The following PCDHA3 variants were observed in gnomAD, a reference collection of about 807,000 sequenced individuals.
The protein encoded by PCDHA3 is protocadherin alpha-3.
Under a neutral mutation model 62.2 loss-of-function variants are expected in PCDHA3, and 41 were observed. The ratio of observed to expected loss-of-function variants is 0.66; its 90% CI spans 0.51 to 0.86. PCDHA3 has a LOEUF of 0.86. PCDHA3 is among the 40% of genes least tolerant of loss of function. The pLI, the probability that PCDHA3 is intolerant of heterozygous loss-of-function variation, is 0.00. For missense variants in PCDHA3, 1,304 were observed against 1,241.2 expected, an observed-to-expected ratio of 1.05 and a Z score of -0.76; for synonymous variants, 640 against 555.4, an observed-to-expected ratio of 1.15 and a Z score of -2.14.
intron 1 of PCDHA3, chr5:140,811,929 A>C (rs1399934470): frequency 2.6e-5 from 4 of 151,600 alleles, no homozygotes; most frequent in African/African-American, 9.7e-5. Context: ...GATTGCAAAA[A>C]TTTTCTCCCA....
At chr5:140,870,886 G>A (rs17844350) in intron 1 of PCDHA3, 1 of 1,613,944 alleles carries the variant, frequency 6.2e-7, no homozygotes, top group East Asian at 2.2e-5. Flanking sequence ...GAAGGTGCGC[G>A]CAGTGGATGC....
chr5:140,850,216 A>C lies in PCDHA3; in HGVS notation c.2394+46625A>C. 5 of 1,593,446 alleles carry C rather than the reference A, an allele frequency of 3.1e-6. No individual in the cohort carries two copies. The East Asian group carries it at 1.1e-4, about 36-fold the overall frequency. ...CTGACACCTCGGATGAGGGGCACTG[A>C]CGGCGCAGTGAGCGAGATGGTGCTG... On this transcript the variant is annotated intron_variant, in intron 1 of 3. Transcript: ENST00000522353.
Position 140,883,273 on chromosome 5 carries a change from C to A in PCDHA3, c.2394+79682C>A, listed in dbSNP as rs370482487. Reference sequence around the variant, plus strand: ...ATATTCCAATGGCGGGTCATTGTACCCTTTTGGTGGAAGTACTAGATGTAA... The same window carrying A: ...ATATTCCAATGGCGGGTCATTGTACACTTTTGGTGGAAGTACTAGATGTAA... On this transcript the variant is annotated intron_variant, in intron 1 of 3. Transcript: ENST00000522353. 10 of 1,613,676 alleles carry A rather than the reference C, an allele frequency of 6.2e-6. No homozygotes were observed. The Middle Eastern group carries it at 6.6e-4, about 106-fold the overall frequency.
At chr5:140,994,036 A>G (rs1176195849) in intron 3 of PCDHA3, among the ~76,000 whole-genome samples, 1 of 152,210 alleles carries the variant, frequency 6.6e-6, no homozygotes, top group African/African-American at 2.4e-5. Flanking sequence ...AATATTAAAT[A>G]TAACACAGTC....
chr5:140,835,688 G>A (rs2150241964), intron 1 of PCDHA3: 10 of 1,613,804 alleles, frequency 6.2e-6, no homozygotes, highest in Admixed American at 5.0e-5. Flanking sequence ...CGCCTTCTCT[G>A]TGGGCCACTG....
At chr5:140,858,318 G>T in intron 1 of PCDHA3, 1 of 1,597,070 alleles carries the variant, frequency 6.3e-7, no homozygotes, top group Non-Finnish European at 8.6e-7. Context: ...CAGAGGGTGT[G>T]TTCTGGGGAG....
rs1427134752 is a variant in PCDHA3 at position 140,834,645 on chromosome 5, T to C, written c.2394+31054T>C. Reference sequence around the variant, plus strand: ...GCAGAATGGCATTTTGTTTGTGAATTCTCGGATCGACCGCGAGGAGCTGTG... The same window carrying C: ...GCAGAATGGCATTTTGTTTGTGAATCCTCGGATCGACCGCGAGGAGCTGTG... On this transcript the variant is annotated intron_variant, in intron 1 of 3. Transcript: ENST00000522353. The C allele has an allele frequency of 2.5e-6, 4 of 1,614,086 alleles. No individual in the cohort carries two copies. The East Asian group carries it at 8.9e-5, about 36-fold the overall frequency.
rs538322622 is a variant in PCDHA3 at position 140,884,083 on chromosome 5, G to T, written c.2394+80492G>T. 35 of 1,613,596 alleles carry T rather than the reference G, an allele frequency of 2.2e-5. No individual in the cohort carries two copies. The South Asian group carries it at 3.6e-4, about 17-fold the overall frequency. On this transcript the variant is annotated intron_variant, in intron 1 of 3. Coordinates refer to ENST00000522353, the MANE Select transcript of PCDHA3 (RefSeq NM_018906.3). The stretch of plus-strand genomic sequence containing the variant: ...TGGACGCCGATTCGGGCTACAATGC[G>T]TGGCTTTCGTATGAATTGCAGCTGG...
chr5:140,838,098 G>T (rs1775538367), intron 1 of PCDHA3, among the ~76,000 whole-genome samples: 1 of 147,360 alleles, frequency 6.8e-6, no homozygotes, highest in African/African-American at 2.6e-5. Flanking sequence ...GTGTGTGTGT[G>T]TGTGTGTGTG....
chr5:140,822,889 A>G (rs1554128942), intron 1 of PCDHA3: 1 of 1,614,078 alleles, frequency 6.2e-7, no homozygotes, highest in East Asian at 2.2e-5. Flanking sequence ...TGCTCTGATC[A>G]GCGTGTCTGA....
chr5:140,967,332 C>G, intron 1 of PCDHA3: 2 of 1,608,024 alleles, frequency 1.2e-6, no homozygotes, highest in Non-Finnish European at 1.7e-6. Context: ...GAGCTCAGCC[C>G]CAGCGAGCAC....
At chr5:140,882,217 A>C in intron 1 of PCDHA3, 1 of 1,542,972 alleles carries the variant, frequency 6.5e-7, no homozygotes, top group Non-Finnish European at 8.7e-7. Context: ...AGACAGTTTG[A>C]GGTAAGGCGT....
intron 1 of PCDHA3, among the ~76,000 whole-genome samples, chr5:140,956,797 G>T (rs1224324866): frequency 6.6e-6 from 1 of 152,040 alleles, no homozygotes; most frequent in Non-Finnish European, 1.5e-5. Flanking sequence ...TGCTTGGTGG[G>T]CTATTTATTA....
intron 1 of PCDHA3, chr5:140,858,198 C>T (rs1418909754): frequency 1.9e-6 from 3 of 1,597,294 alleles, no homozygotes; most frequent in African/African-American, 2.7e-5. Flanking sequence ...CTGCTGTACA[C>T]TGCACTGAGG....
intron 1 of PCDHA3, chr5:140,875,190 C>T (rs2055337617): frequency 4.0e-6 from 2 of 496,884 alleles, no homozygotes; most frequent in Admixed American, 4.0e-5. Flanking sequence ...TTAAGAGTGA[C>T]CCAGGAAGTG....
At chr5:140,926,911 G>A (rs1248832475) in intron 1 of PCDHA3, 4 of 1,561,318 alleles carry the variant, frequency 2.6e-6, no homozygotes, top group Non-Finnish European at 3.5e-6. Flanking sequence ...CTGTGGGGTG[G>A]CAGTTTTATG....
chr5:140,806,321 T>C (rs1316329183), intron 1 of PCDHA3, among the ~76,000 whole-genome samples: 4 of 152,166 alleles, frequency 2.6e-5, no homozygotes, highest in African/African-American at 9.7e-5. Flanking sequence ...CTTAGGCACA[T>C]TACATACTGG....
rs369771411 is a variant in PCDHA3, at chr5:140,803,410, C to T, written c.2213C>T (p.Thr738Met). Residue 738 changes from threonine (T) to methionine (M), a missense_variant, in exon 1 of 4, where the codon ACG becomes ATG. Transcript: ENST00000522353. ...GGCGACTGTGGGCCGGGCAAGCCCA[C>T]GCTGGTGTGCTCCAGCGCGGTGGGG... ...TEGDCGPGKP[T>M]LVCSSAVGSW... is the part of the protein sequence containing the mutation. 3 of 1,614,118 alleles carry T rather than the reference C, an allele frequency of 1.9e-6. No homozygotes were observed. Among genetic ancestry groups the T allele is most frequent in the African/African-American group, 1.3e-5 (1 of 74,940 alleles).
In PCDHA3 at chr5:140,803,401, G is replaced by A. The variant is rs782279690; in HGVS notation, c.2204G>A (p.Gly735Asp). 4.3e-6 allele frequency: 7 copies of A among 1,614,224 alleles called. No homozygotes were observed. Among genetic ancestry groups the A allele is most frequent in the African/African-American group, 1.3e-5 (1 of 75,068 alleles). Residue 735 changes from glycine to aspartate, a missense_variant, in exon 1 of 4, where the codon GGC becomes GAC. Transcript: ENST00000522353. ...APPTEGDCGPGKPTLVCSSAV... is the reference protein window; with the variant it reads ...APPTEGDCGPDKPTLVCSSAV... ...CCAACCGAAGGCGACTGTGGGCCGG[G>A]CAAGCCCACGCTGGTGTGCTCCAGC... is the stretch of plus-strand genomic sequence containing the variant.
Sources: allele counts gnomAD v4.1 joint callset (sites outside exome capture counted in the v4.1 genomes callset), GRCh38; gene constraint gnomAD v4.1.1; transcripts MANE v1.5; gene names NCBI Gene and HGNC (gene_info 2026-07-23, HGNC 2026-07-21).